Variants in SLC8A3 observed in about 807,000 individuals in gnomAD.
SLC8A3 encodes sodium/calcium exchanger 3.
In SLC8A3, 37 loss-of-function variants were observed where a neutral mutation model predicts 65.4. That is an observed-to-expected ratio of 0.57 (90% CI 0.44 to 0.74). The LOEUF is 0.74. Among genes scored for constraint, SLC8A3 ranks in the 30% least tolerant of loss-of-function variants. The pLI, the probability that SLC8A3 is intolerant of heterozygous loss-of-function variation, is 0.00. For missense variants in SLC8A3, 1,112 were observed against 1,172.1 expected, an observed-to-expected ratio of 0.95 and a Z score of 0.75; for synonymous variants, 461 against 444.5, an observed-to-expected ratio of 1.04 and a Z score of -0.47.
At chr14:70,128,150 C>A (rs1202210463) in intron 2 of SLC8A3, among the ~76,000 whole-genome samples, 1 of 152,184 alleles carries the variant, frequency 6.6e-6, no homozygotes, top group Admixed American at 6.5e-5. Flanking sequence ...GGCAGTCATT[C>A]ATCTTTGACC....
intron 1 of SLC8A3, among the ~76,000 whole-genome samples, chr14:70,180,926 T>C (rs1238056684): frequency 6.6e-6 from 1 of 152,184 alleles, no homozygotes; most frequent in African/African-American, 2.4e-5. Flanking sequence ...AGTTGATCTC[T>C]AGAGACTCAA....
intron 2 of SLC8A3, among the ~76,000 whole-genome samples, chr14:70,161,601 G>C (rs1314125498): frequency 1.3e-5 from 2 of 152,166 alleles, no homozygotes; most frequent in Non-Finnish European, 2.9e-5. Flanking sequence ...TGTTGGCCAA[G>C]GGAGAGATGT....
chr14:70,183,143 C>T (rs1432578812), intron 1 of SLC8A3, among the ~76,000 whole-genome samples: 1 of 152,092 alleles, frequency 6.6e-6, no homozygotes, highest in Non-Finnish European at 1.5e-5. Context: ...AGATCTAGTC[C>T]CCACATGACC....
In SLC8A3 at chr14:70,188,369, C is replaced by T. The variant is rs559287289; in HGVS notation, c.-63+10G>A. On this transcript the variant is annotated intron_variant, in intron 1 of 6. Coordinates refer to ENST00000356921, the MANE Select transcript of SLC8A3 (RefSeq NM_182932.3). ...AGGGGGAAGGGCAGGAGGCTCACCCCATTACTCACCGTTTCCTCTCGGCCT... is the reference window on the plus strand; with the variant it reads ...AGGGGGAAGGGCAGGAGGCTCACCCTATTACTCACCGTTTCCTCTCGGCCT... The T allele has an allele frequency of 2.0e-4, 30 of 152,468 alleles. No homozygotes were observed. The highest frequency in any genetic ancestry group is 6.7e-4 in the African/African-American group (28 of 41,590). The allele number at this position is 152,468 out of a possible 1,614,324, so 9.4% of individuals were successfully genotyped here.
chr14:70,146,587 T>TTA (rs1566810592), intron 2 of SLC8A3, among the ~76,000 whole-genome samples: 1 of 152,118 alleles, frequency 6.6e-6, no homozygotes, highest in African/African-American at 2.4e-5. Context: ...TGCCTGGTAT[T>TTA]TATATATATA....
chr14:70,121,241 C>A (rs1005835870), intron 2 of SLC8A3, among the ~76,000 whole-genome samples: 9 of 152,112 alleles, frequency 5.9e-5, no homozygotes, highest in Admixed American at 5.9e-4. Flanking sequence ...AGGCTCCCTA[C>A]GCCAGTCATT....
intron 2 of SLC8A3, among the ~76,000 whole-genome samples, chr14:70,114,603 C>T (rs905026392): frequency 9.2e-5 from 14 of 152,306 alleles, no homozygotes; most frequent in African/African-American, 3.4e-4. Context: ...CTCCTCCCTG[C>T]CCCCATCCCT....
chr14:70,189,034 A>C (rs8022091), upstream of SLC8A3: 121,155 of 152,112 alleles, frequency 0.8, 52,748 homozygotes, highest in Non-Finnish European at 0.97. Flanking sequence ...CAAGCCTCCA[A>C]ACGGAACGTC....
At chr14:70,164,132 C>G (rs762946191) in intron 2 of SLC8A3, among the ~76,000 whole-genome samples, 2 of 152,100 alleles carry the variant, frequency 1.3e-5, no homozygotes, top group African/African-American at 4.8e-5. Flanking sequence ...TACCTTGAAT[C>G]GTCATAATGG....
chr14:70,170,517 T>C (rs1897459794), intron 1 of SLC8A3, among the ~76,000 whole-genome samples: 1 of 152,228 alleles, frequency 6.6e-6, no homozygotes, highest in South Asian at 2.1e-4. Context: ...TCAGTAACTG[T>C]ATGTTTTTGG....
At chr14:70,121,150 G>A (rs1055472615) in intron 2 of SLC8A3, among the ~76,000 whole-genome samples, 8 of 152,028 alleles carry the variant, frequency 5.3e-5, no homozygotes, top group Non-Finnish European at 8.8e-5. Context: ...CCCAAAATGA[G>A]CCTATGGTCT....
chr14:70,082,012 C>A (rs1321697760), intron 2 of SLC8A3, among the ~76,000 whole-genome samples: 1 of 152,194 alleles, frequency 6.6e-6, no homozygotes, highest in Non-Finnish European at 1.5e-5. Context: ...TAATCCTTCT[C>A]ATTGAATCCT....
intron 2 of SLC8A3, chr14:70,063,755 G>A (rs764521058): frequency 2.3e-6 from 2 of 872,504 alleles, no homozygotes. Flanking sequence ...AGACAAATGG[G>A]TTGGAGAGGA....
chr14:70,162,518 C>T (rs1403733752), intron 2 of SLC8A3, among the ~76,000 whole-genome samples: 2 of 152,184 alleles, frequency 1.3e-5, no homozygotes, highest in Non-Finnish European at 2.9e-5. Flanking sequence ...TATAATAGAT[C>T]TTGGCATTTA....
chr14:70,103,673 G>A (rs1276710487), intron 2 of SLC8A3, among the ~76,000 whole-genome samples: 1 of 151,578 alleles, frequency 6.6e-6, no homozygotes, highest in Non-Finnish European at 1.5e-5. Context: ...AAAGCCAATT[G>A]AGGAATTAAA....
At position 70,149,292 on chromosome 14, in the gene SLC8A3, G is replaced by T. The variant is rs190128938; in HGVS notation, c.1784+17347C>A. Reference sequence around the variant, plus strand: ...TTGGGAAAAGCAGAATCAGGCTGGAGAATAGTTAATTCCTTAGTTACTGAA... The same window carrying T: ...TTGGGAAAAGCAGAATCAGGCTGGATAATAGTTAATTCCTTAGTTACTGAA... On this transcript the variant is annotated intron_variant, in intron 2 of 6. Transcript: ENST00000356921. 1.7e-3 allele frequency among the ~76,000 whole-genome samples: 253 copies of T among 152,320 alleles called. 1 individual carries two copies. Among genetic ancestry groups the T allele is most frequent in the Non-Finnish European group, 2.7e-3 (186 of 68,034 alleles).
chr14:70,132,664 C>G (rs571270786), intron 2 of SLC8A3, among the ~76,000 whole-genome samples: 1 of 152,284 alleles, frequency 6.6e-6, no homozygotes, highest in South Asian at 2.1e-4. Flanking sequence ...GGTCATGATC[C>G]TGGCAATCTG....
At chr14:70,115,322 T>A (rs533577701) in intron 2 of SLC8A3, among the ~76,000 whole-genome samples, 110 of 152,324 alleles carry the variant, frequency 7.2e-4, no homozygotes, top group African/African-American at 2.6e-3. Context: ...CTTCTTCTGA[T>A]AAAGTGCTAA....
chr14:70,081,208 T>C (rs1891025570), intron 2 of SLC8A3, among the ~76,000 whole-genome samples: 1 of 152,168 alleles, frequency 6.6e-6, no homozygotes. Flanking sequence ...AGGCAGCACT[T>C]CTATAAGGGT....
Sources: allele counts gnomAD v4.1 joint callset (sites outside exome capture counted in the v4.1 genomes callset), GRCh38; gene constraint gnomAD v4.1.1; transcripts MANE v1.5; gene names NCBI Gene and HGNC (gene_info 2026-07-23, HGNC 2026-07-21).